The following C10orf90 variants were observed in gnomAD, a reference collection of about 807,000 sequenced individuals.
C10orf90 encodes chromosome 10 open reading frame 90.
A neutral mutation model predicts 62.5 loss-of-function variants in C10orf90; 56 were observed. The ratio of observed to expected loss-of-function variants is 0.90; its 90% CI spans 0.72 to 1.12. C10orf90 has a LOEUF of 1.12. C10orf90 is among the 50% of genes most tolerant of loss of function. The pLI is 0.00. For synonymous variants in C10orf90, 386 were observed against 340.4 expected (o/e 1.13, Z -1.47); for missense variants, 970 against 880.4 (o/e 1.10, Z -1.29).
At chr10:126,491,490 C>T (rs905750244) in intron 4 of C10orf90, among the ~76,000 whole-genome samples, 2 of 151,990 alleles carry the variant, frequency 1.3e-5, no homozygotes, top group African/African-American at 4.8e-5. Flanking sequence ...AGTACAGAAC[C>T]GGGTCTTTTT....
rs763792201 is a variant in C10orf90, at chr10:126,504,662, G to C, written c.829C>G (p.Leu277Val). ...CGACCTGGATGGGCGCCATTGGCCA[G>C]AGCCGGGGGCGCCTGGAACAGTGTG... is the stretch of plus-strand genomic sequence containing the variant. ...EDTLFQAPPA[L>V]ANGAHPGRHQ... Residue 277 changes from leucine (L) to valine (V), a missense_variant, in exon 4 of 10, where the codon CTG becomes GTG. Physicochemically the swap from Leu to Val is conservative, Grantham distance 32. Coordinates refer to ENST00000488181, the MANE Select transcript of C10orf90 (RefSeq NM_001350921.2). The surrounding 1 kb of genome is among the most constrained non-coding windows in gnomAD (Gnocchi z 4.1). 4.3e-6 allele frequency: 7 copies of C among 1,614,224 alleles called. No individual in the cohort carries two copies. The South Asian group carries it at 7.7e-5, about 18-fold the overall frequency.
Position 126,468,300 on chromosome 10 carries a change from C to G in C10orf90, c.1535-3314G>C, listed in dbSNP as rs1860397883. 2.0e-5 allele frequency among the ~76,000 whole-genome samples: 3 copies of G among 152,056 alleles called. No individual in the cohort carries two copies. In the South Asian group the frequency reaches 6.2e-4, roughly 32 times the overall value. ...GCCAGGATGGTCTTGATCTCTTGAC[C>G]CCGTGATCTGCCTGCCTTGGCCTCC... On this transcript the variant is annotated intron_variant, in intron 4 of 9. Coordinates refer to ENST00000488181, the MANE Select transcript of C10orf90 (RefSeq NM_001350921.2).
chr10:126,459,039 C>T lies in C10orf90; in HGVS notation c.2188+1G>A, dbSNP rs936468606. ...GTCTCCACAAGCCACCTGCAGCTTA[C>T]CACTCAGAGGATGGGGAATCGTGAA... is the stretch of plus-strand genomic sequence containing the variant. On this transcript the variant is annotated splice_donor_variant, in intron 7 of 9. Coordinates refer to ENST00000488181, the MANE Select transcript of C10orf90 (RefSeq NM_001350921.2). LOFTEE classifies it high-confidence loss of function. The T allele has an allele frequency of 1.9e-6, 3 of 1,610,470 alleles. No homozygotes were observed. Among genetic ancestry groups the T allele is most frequent in the Non-Finnish European group, 2.5e-6 (3 of 1,178,612 alleles).
chr10:126,533,077 A>C (rs943100847), intron 2 of C10orf90, among the ~76,000 whole-genome samples: 8 of 150,658 alleles, frequency 5.3e-5, no homozygotes, highest in Non-Finnish European at 8.9e-5. Context: ...GGACTACAGG[A>C]ACCCGCCACC....
At chr10:126,533,401 A>AC (rs1441998810) in intron 2 of C10orf90, among the ~76,000 whole-genome samples, 1 of 152,232 alleles carries the variant, frequency 6.6e-6, no homozygotes. Flanking sequence ...TAGCATTCCT[A>AC]CGTTCCTTGA....
chr10:126,605,294 C>T (rs1845284003), intron 2 of C10orf90, among the ~76,000 whole-genome samples: 1 of 152,188 alleles, frequency 6.6e-6, no homozygotes, highest in African/African-American at 2.4e-5. Flanking sequence ...TCTCTGACTC[C>T]AGCGCTCTCC....
chr10:126,575,843 T>C (rs534220214), intron 2 of C10orf90, among the ~76,000 whole-genome samples: 3 of 152,210 alleles, frequency 2.0e-5, no homozygotes, highest in Non-Finnish European at 4.4e-5. Flanking sequence ...CTTCAATATA[T>C]AGTGCTGGAA....
At position 126,459,050 on chromosome 10, in the gene C10orf90, A is replaced by T. The variant is rs778955032; in HGVS notation, c.2178T>A (p.His726Gln). The T allele has an allele frequency of 2.5e-6, 4 of 1,612,110 alleles. No homozygotes were observed. The African/African-American group carries it at 5.3e-5, about 22-fold the overall frequency. The change falls in exon 7 of 10, where the codon CAT becomes CAA. Residue 726 changes from histidine (H) to glutamine (Q), a missense_variant. Transcript: ENST00000488181. ...RTSKKQFTIP[H>Q]PLSDNLFKPK... is the part of the protein sequence containing the mutation. ...CCACCTGCAGCTTACCACTCAGAGG[A>T]TGGGGAATCGTGAACTGCTTCTTGC...
chr10:126,511,453 C>G (rs1387731512), intron 3 of C10orf90, among the ~76,000 whole-genome samples: 1 of 152,118 alleles, frequency 6.6e-6, no homozygotes, highest in African/African-American at 2.4e-5. Flanking sequence ...ACCACCGTCA[C>G]CACTATCCAT....
intron 1 of C10orf90, among the ~76,000 whole-genome samples, chr10:126,669,929 T>G (rs1362544288): frequency 6.6e-6 from 1 of 152,174 alleles, no homozygotes; most frequent in Non-Finnish European, 1.5e-5. Flanking sequence ...CACAGAAACA[T>G]GCTGTAGTTT....
chr10:126,436,673 C>G (rs1857939806), intron 7 of C10orf90, among the ~76,000 whole-genome samples: 1 of 152,012 alleles, frequency 6.6e-6, no homozygotes, highest in Admixed American at 6.6e-5. Flanking sequence ...AAAAACTTTT[C>G]TTTTTTGAGC....
chr10:126,568,852 A>T (rs767250004), intron 2 of C10orf90, among the ~76,000 whole-genome samples: 18 of 152,128 alleles, frequency 1.2e-4, no homozygotes, highest in Non-Finnish European at 1.9e-4. Context: ...AGGGCTGAAG[A>T]GTGAAGACAA....
chr10:126,633,312 C>T (rs913617614), intron 2 of C10orf90, among the ~76,000 whole-genome samples: 18 of 152,332 alleles, frequency 1.2e-4, no homozygotes, highest in African/African-American at 4.3e-4. Context: ...GAATATCTCA[C>T]AGTATCTGTC....
At chr10:126,562,698 A>C (rs958002781) in intron 2 of C10orf90, among the ~76,000 whole-genome samples, 4 of 152,264 alleles carry the variant, frequency 2.6e-5, no homozygotes, top group African/African-American at 9.6e-5. Flanking sequence ...GTTACAGACA[A>C]TTCTCCTATA....
intron 1 of C10orf90, among the ~76,000 whole-genome samples, chr10:126,662,936 G>A: frequency 6.6e-6 from 1 of 152,222 alleles, no homozygotes; most frequent in Non-Finnish European, 1.5e-5. Context: ...GCATCATTGG[G>A]ATGGGTGCCT....
At position 126,504,247 on chromosome 10, in the gene C10orf90, G is replaced by A. The variant is rs1428561107; in HGVS notation, c.1244C>T (p.Ala415Val). ...GLVNREPISE[A>V]LKQELLEGDQ... Reference sequence around the variant, plus strand: ...TCCCTCCAGGAGCTCCTGCTTCAGGGCTTCGCTTATTGGCTCTCTGTTCAC... The same window carrying A: ...TCCCTCCAGGAGCTCCTGCTTCAGGACTTCGCTTATTGGCTCTCTGTTCAC... The change falls in exon 4 of 10, where the codon GCC becomes GTC. Residue 415 changes from alanine (A) to valine (V), a missense_variant. Physicochemically the swap from Ala to Val is moderately conservative, Grantham distance 64. Coordinates refer to ENST00000488181, the MANE Select transcript of C10orf90 (RefSeq NM_001350921.2). This position sits in a 1 kb window ranked among gnomAD's most constrained non-coding sequence, Gnocchi z 4.1. The A allele has an allele frequency of 1.2e-6, 2 of 1,614,162 alleles. No homozygotes were observed. The highest frequency in any genetic ancestry group is 8.5e-7 in the Non-Finnish European group (1 of 1,180,030).
At chr10:126,642,557 T>G (rs1336183025) in intron 2 of C10orf90, among the ~76,000 whole-genome samples, 1 of 151,994 alleles carries the variant, frequency 6.6e-6, no homozygotes, top group Non-Finnish European at 1.5e-5. Flanking sequence ...AACCCTGATG[T>G]CTGCTCTGTG....
chr10:126,458,243 T>C (rs1328954886), intron 7 of C10orf90, among the ~76,000 whole-genome samples: 3 of 152,188 alleles, frequency 2.0e-5, no homozygotes, highest in African/African-American at 4.8e-5. Context: ...TTCTGAGTTA[T>C]ACTCATGATT....
intron 2 of C10orf90, among the ~76,000 whole-genome samples, chr10:126,591,095 A>G (rs1291088612): frequency 6.6e-6 from 1 of 152,210 alleles, no homozygotes; most frequent in East Asian, 1.9e-4. Flanking sequence ...AGATGGATTT[A>G]CCACTGAATT....
Sources: gnomAD v4.1 joint callset for allele counts (sites outside exome capture counted in the v4.1 genomes callset) on GRCh38, gnomAD v4.1.1 for gene constraint, Gnocchi (gnomAD v3.1) non-coding constraint, MANE v1.5 for transcripts, NCBI Gene and HGNC (gene_info 2026-07-23, HGNC 2026-07-21) for gene names.